Variants in CAMKMT observed in about 807,000 individuals in gnomAD.
CAMKMT encodes the protein calmodulin-lysine N-methyltransferase.
In CAMKMT, 53 loss-of-function variants were observed where a neutral mutation model predicts 48.0. That is an observed-to-expected ratio of 1.10 (90% CI 0.89 to 1.39). The LOEUF (loss-of-function observed/expected upper bound fraction) is 1.39, where lower values mean the gene tolerates loss of function less well. Among genes scored for constraint, CAMKMT ranks in the 40% most tolerant of loss-of-function variants. The pLI, the probability that CAMKMT is intolerant of heterozygous loss-of-function variation, is 0.00. For synonymous variants in CAMKMT, 165 were observed against 152.3 expected, an observed-to-expected ratio of 1.08 and a Z score of -0.61; for missense variants, 428 against 402.7, an observed-to-expected ratio of 1.06 and a Z score of -0.54.
At chr2:44,737,012 T>G (rs193059194) in intron 7 of CAMKMT, among the ~76,000 whole-genome samples, 1 of 152,226 alleles carries the variant, frequency 6.6e-6, no homozygotes. Context: ...GTTTCTATTT[T>G]TTCAATTTTT....
intron 6 of CAMKMT, among the ~76,000 whole-genome samples, chr2:44,714,788 A>C (rs1384903168): frequency 6.6e-6 from 1 of 152,192 alleles, no homozygotes; most frequent in African/African-American, 2.4e-5. Flanking sequence ...GATCCATCTC[A>C]GGTGATAAAA....
intron 3 of CAMKMT, among the ~76,000 whole-genome samples, chr2:44,445,822 T>C (rs971507474): frequency 1.3e-5 from 2 of 151,932 alleles, no homozygotes; most frequent in Admixed American, 1.3e-4. Flanking sequence ...AGTTTGTCTC[T>C]TCTTACTTTC....
In CAMKMT at chr2:44,715,540, T is replaced by A. The variant is rs865937671; in HGVS notation, c.623+187T>A. Among the ~76,000 whole-genome samples the A allele has an allele frequency of 1.4e-4, 22 of 152,288 alleles. No homozygotes were observed. The South Asian group carries it at 1.5e-3, about 10-fold the overall frequency. On this transcript the variant is annotated intron_variant, in intron 7 of 10. Coordinates refer to ENST00000378494, the MANE Select transcript of CAMKMT (RefSeq NM_024766.5). ...GGAATACTATGAGGCAGACAGACAC[T>A]CTCATTAGCTCCAATTAATAGATGA...
At chr2:44,751,526 T>A (rs1460857429) in intron 8 of CAMKMT, among the ~76,000 whole-genome samples, 2 of 152,214 alleles carry the variant, frequency 1.3e-5, no homozygotes, top group Non-Finnish European at 2.9e-5. Flanking sequence ...TGAAAACCTC[T>A]TAGAAGGTAC....
At chr2:44,682,875 G>T (rs991097068) in intron 3 of CAMKMT, among the ~76,000 whole-genome samples, 2 of 152,138 alleles carry the variant, frequency 1.3e-5, no homozygotes, top group African/African-American at 2.4e-5. Context: ...TGGAATGCTG[G>T]TAATCAAAAG....
intron 3 of CAMKMT, among the ~76,000 whole-genome samples, chr2:44,400,511 T>A (rs931146129): frequency 6.6e-6 from 1 of 152,176 alleles, no homozygotes; most frequent in Non-Finnish European, 1.5e-5. Context: ...GCATTTAAGA[T>A]GTTAAACTTT....
chr2:44,703,972 A>T (rs1238988029), intron 3 of CAMKMT, among the ~76,000 whole-genome samples: 2 of 152,076 alleles, frequency 1.3e-5, no homozygotes, highest in Admixed American at 6.6e-5. Context: ...CAAGATGAAG[A>T]TCTATGTGAA....
intron 3 of CAMKMT, among the ~76,000 whole-genome samples, chr2:44,446,763 CA>C (rs1175616278): frequency 6.6e-6 from 1 of 152,234 alleles, no homozygotes; most frequent in Non-Finnish European, 1.5e-5. Flanking sequence ...GGTGTCAAAG[CA>C]GGCATCTCAG....
At chr2:44,565,677 G>T (rs967260185) in intron 3 of CAMKMT, among the ~76,000 whole-genome samples, 1 of 151,640 alleles carries the variant, frequency 6.6e-6, no homozygotes, top group Non-Finnish European at 1.5e-5. Flanking sequence ...AAGTAACCTG[G>T]AGAGTGGTCT....
At chr2:44,521,987 T>C (rs1212534608) in intron 3 of CAMKMT, among the ~76,000 whole-genome samples, 1 of 151,950 alleles carries the variant, frequency 6.6e-6, no homozygotes, top group African/African-American at 2.4e-5. Context: ...ATGCAACCTC[T>C]GTTTTCTCTT....
In CAMKMT at chr2:44,756,240, C is replaced by T. The variant is rs184043385; in HGVS notation, c.762+2122C>T. On this transcript the variant is annotated intron_variant, in intron 9 of 10. Transcript: ENST00000378494. Reference sequence around the variant, plus strand: ...TAGGAGGCTGTCCAGAGCATGGGAGCAACCAGTAGAAAACTGGACTTTTCT... The same window carrying T: ...TAGGAGGCTGTCCAGAGCATGGGAGTAACCAGTAGAAAACTGGACTTTTCT... Among the ~76,000 whole-genome samples the T allele has an allele frequency of 2.6e-5, 4 of 152,360 alleles. No individual in the cohort carries two copies. The East Asian group carries it at 7.7e-4, about 29-fold the overall frequency.
At chr2:44,626,252 G>A (rs1672477524) in intron 3 of CAMKMT, among the ~76,000 whole-genome samples, 1 of 152,068 alleles carries the variant, frequency 6.6e-6, no homozygotes, top group African/African-American at 2.4e-5. Context: ...ACTCCGATGT[G>A]CATAATTATT....
chr2:44,505,304 T>C (rs1336737438), intron 3 of CAMKMT, among the ~76,000 whole-genome samples: 1 of 152,220 alleles, frequency 6.6e-6, no homozygotes, highest in East Asian at 1.9e-4. Context: ...TTGTTGGATA[T>C]GCAGTAGTTT....
At chr2:44,709,877 C>T (rs1677779766) in intron 6 of CAMKMT, among the ~76,000 whole-genome samples, 1 of 151,984 alleles carries the variant, frequency 6.6e-6, no homozygotes, top group Non-Finnish European at 1.5e-5. Context: ...AGTAAAGCTG[C>T]TAATTATTCT....
At chr2:44,504,259 C>T (rs141721800) in intron 3 of CAMKMT, among the ~76,000 whole-genome samples, 1 of 152,234 alleles carries the variant, frequency 6.6e-6, no homozygotes, top group African/African-American at 2.4e-5. Flanking sequence ...TCCCTATCTT[C>T]CCCCAGAATC....
chr2:44,480,334 G>T (rs1427633175), intron 3 of CAMKMT, among the ~76,000 whole-genome samples: 1 of 152,042 alleles, frequency 6.6e-6, no homozygotes, highest in Non-Finnish European at 1.5e-5. Flanking sequence ...CACACATCCA[G>T]AATAAACTCC....
intron 1 of CAMKMT, among the ~76,000 whole-genome samples, chr2:44,364,886 C>T (rs536645869): frequency 2.0e-5 from 3 of 152,294 alleles, no homozygotes; most frequent in South Asian, 2.1e-4. Context: ...CACAGAGACA[C>T]ATTTTAAACC....
chr2:44,504,983 A>T (rs1302300405), intron 3 of CAMKMT, among the ~76,000 whole-genome samples: 1 of 152,128 alleles, frequency 6.6e-6, no homozygotes, highest in Admixed American at 6.6e-5. Context: ...GCCAGTGTGC[A>T]CAGAGGTCAT....
At chr2:44,493,051 G>A (rs1669586913) in intron 3 of CAMKMT, among the ~76,000 whole-genome samples, 1 of 151,804 alleles carries the variant, frequency 6.6e-6, no homozygotes. Context: ...GTACCACCAT[G>A]CCCAGCTAAT....
Sources: allele counts gnomAD v4.1 joint callset (sites outside exome capture counted in the v4.1 genomes callset), GRCh38; gene constraint gnomAD v4.1.1; transcripts MANE v1.5; gene names NCBI Gene and HGNC (gene_info 2026-07-23, HGNC 2026-07-21).